The following KIAA0825 variants were observed in gnomAD, a reference collection of about 807,000 sequenced individuals.
The protein encoded by KIAA0825 is uncharacterized protein KIAA0825.
Under a neutral mutation model 147.6 loss-of-function variants are expected in KIAA0825, and 119 were observed. That is an observed-to-expected ratio of 0.81 (90% CI 0.69 to 0.94). KIAA0825 has a LOEUF of 0.94. KIAA0825 is among the 40% of genes least tolerant of loss of function. The pLI is 0.00. For synonymous variants in KIAA0825, 470 were observed against 518.1 expected, an observed-to-expected ratio of 0.91 and a Z score of 1.26; for missense variants, 1,381 against 1,472.7, an observed-to-expected ratio of 0.94 and a Z score of 1.02.
intron 2 of KIAA0825, among the ~76,000 whole-genome samples, chr5:94,543,780 A>G (rs1230503869): frequency 1.3e-5 from 2 of 152,210 alleles, no homozygotes; most frequent in African/African-American, 2.4e-5. Flanking sequence ...GAAGCCAGCC[A>G]AAATCCATCA....
rs1465953049 is a variant in KIAA0825 at position 94,202,377 on chromosome 5, C to A, written c.3711-48253G>T. 2.6e-5 allele frequency among the ~76,000 whole-genome samples: 4 copies of A among 152,132 alleles called. No individual in the cohort carries two copies. In the East Asian group the frequency reaches 7.7e-4, roughly 29 times the overall value. On this transcript the variant is annotated intron_variant, in intron 20 of 20. Transcript: ENST00000682413. The stretch of plus-strand genomic sequence containing the variant: ...CATGAAAACAGGCAGAGTGAGGATG[C>A]GTCTCTGTGTACTGTTTTACGTGTG...
chr5:94,311,593 CA>C (rs1041827967), intron 20 of KIAA0825, among the ~76,000 whole-genome samples: 3 of 151,556 alleles, frequency 2.0e-5, no homozygotes, highest in East Asian at 1.9e-4. Context: ...TCTCTAAGAT[CA>C]AAAGCTTTTC....
At chr5:94,238,683 C>T (rs1290388160) in intron 20 of KIAA0825, among the ~76,000 whole-genome samples, 3 of 152,082 alleles carry the variant, frequency 2.0e-5, no homozygotes, top group African/African-American at 4.8e-5. Context: ...CATTTCACCA[C>T]GAGCGAAGCC....
chr5:94,397,016 T>C (rs1750747546), intron 16 of KIAA0825, among the ~76,000 whole-genome samples: 1 of 151,968 alleles, frequency 6.6e-6, no homozygotes, highest in Admixed American at 6.6e-5. Flanking sequence ...CTCATCTCAG[T>C]CCATTTATAC....
At chr5:94,413,979 A>G (rs192818925) in intron 15 of KIAA0825, 24 of 152,322 alleles carry the variant, frequency 1.6e-4, no homozygotes, top group African/African-American at 5.5e-4. Flanking sequence ...TGTGTCTGAT[A>G]GGAAGGTAAG....
chr5:94,548,338 T>C (rs1774865163), intron 2 of KIAA0825, among the ~76,000 whole-genome samples: 3 of 152,192 alleles, frequency 2.0e-5, no homozygotes, highest in African/African-American at 7.2e-5. Flanking sequence ...TAGTTGTCAT[T>C]AGTCTAAACT....
At chr5:94,425,562 G>A (rs1754748703) in intron 14 of KIAA0825, among the ~76,000 whole-genome samples, 1 of 152,046 alleles carries the variant, frequency 6.6e-6, no homozygotes, top group South Asian at 2.1e-4. Flanking sequence ...AACACAGCAG[G>A]ACCTCACCAT....
intron 2 of KIAA0825, among the ~76,000 whole-genome samples, chr5:94,576,692 T>C (rs562699514): frequency 1.3e-5 from 2 of 152,346 alleles, no homozygotes; most frequent in South Asian, 2.1e-4. Flanking sequence ...AGTGGACTAA[T>C]ACACATGTAC....
chr5:94,589,750 A>C (rs2152387614), intron 1 of KIAA0825, among the ~76,000 whole-genome samples: 1 of 151,124 alleles, frequency 6.6e-6, no homozygotes, highest in East Asian at 1.9e-4. Context: ...TATTTGATAA[A>C]CTCTTATTTT....
chr5:94,164,158 A>G (rs1767820292), intron 20 of KIAA0825, among the ~76,000 whole-genome samples: 1 of 152,178 alleles, frequency 6.6e-6, no homozygotes, highest in Non-Finnish European at 1.5e-5. Context: ...TGCAATCCCT[A>G]TCAAAATACC....
chr5:94,345,359 T>C lies in KIAA0825; in HGVS notation c.3710+39009A>G, dbSNP rs150564937. 2.4e-3 allele frequency among the ~76,000 whole-genome samples: 358 copies of C among 152,266 alleles called. 2 individuals carry two copies. The highest frequency in any genetic ancestry group is 4.0e-3 in the Non-Finnish European group (272 of 68,024). On this transcript the variant is annotated intron_variant, in intron 20 of 20. Coordinates refer to ENST00000682413, the MANE Select transcript of KIAA0825 (RefSeq NM_001145678.3). ...CATATATGTTATGTTCCTAGGAACATACATGTTCCTAGAAAGAAAAATATC... is the reference window on the plus strand; with the variant it reads ...CATATATGTTATGTTCCTAGGAACACACATGTTCCTAGAAAGAAAAATATC...
chr5:94,441,568 A>T (rs1757086961), intron 13 of KIAA0825, among the ~76,000 whole-genome samples: 1 of 152,128 alleles, frequency 6.6e-6, no homozygotes, highest in African/African-American at 2.4e-5. Flanking sequence ...ATGAGAGTGG[A>T]GACCCCATGA....
chr5:94,424,075 C>G (rs954258051), intron 14 of KIAA0825, among the ~76,000 whole-genome samples: 1 of 152,028 alleles, frequency 6.6e-6, no homozygotes, highest in Non-Finnish European at 1.5e-5. Flanking sequence ...AGCAAACAGG[C>G]CTTACTAAGT....
chr5:94,592,977 T>C, intron 1 of KIAA0825: 2 of 586,140 alleles, frequency 3.4e-6, no homozygotes, highest in Admixed American at 2.5e-5. Context: ...AAGTGGGATG[T>C]ACATTTAATA....
intron 2 of KIAA0825, among the ~76,000 whole-genome samples, chr5:94,553,425 A>C (rs1415485975): frequency 1.3e-5 from 2 of 149,356 alleles, no homozygotes; most frequent in Non-Finnish European, 3.0e-5. Flanking sequence ...GGGTGACAAG[A>C]GCAAAACTCC....
Position 94,246,856 on chromosome 5 carries a change from A to G in KIAA0825, c.3711-92732T>C, listed in dbSNP as rs928453890. Reference sequence around the variant, plus strand: ...ACTGCAAAGTCCATGCTCCTTCCACACAGTGTCAGCCTGCCTCATTTGGTA... The same window carrying G: ...ACTGCAAAGTCCATGCTCCTTCCACGCAGTGTCAGCCTGCCTCATTTGGTA... On this transcript the variant is annotated intron_variant, in intron 20 of 20. Transcript: ENST00000682413. Among the ~76,000 whole-genome samples the G allele has an allele frequency of 2.6e-5, 4 of 152,142 alleles. No individual in the cohort carries two copies. The East Asian group carries it at 7.7e-4, about 29-fold the overall frequency.
intron 15 of KIAA0825, among the ~76,000 whole-genome samples, chr5:94,410,736 T>A (rs892297136): frequency 2.6e-5 from 4 of 152,168 alleles, no homozygotes; most frequent in African/African-American, 9.6e-5. Flanking sequence ...AAAAAAATTC[T>A]GAACCTAGAA....
chr5:94,369,243 T>C (rs1378759775), intron 20 of KIAA0825, among the ~76,000 whole-genome samples: 1 of 152,122 alleles, frequency 6.6e-6, no homozygotes, highest in African/African-American at 2.4e-5. Context: ...CAATTAAGGC[T>C]AGAGATACGG....
At chr5:94,426,047 TTATTATAGAGAGAAGGTCTTGCTA>T (rs1754832891) in intron 14 of KIAA0825, among the ~76,000 whole-genome samples, 2 of 150,066 alleles carry the variant, frequency 1.3e-5, no homozygotes, top group African/African-American at 4.9e-5. Flanking sequence ...ATTATTATTA[TTATTATAGAGAGAAGGTCTTGCTA>T]TGTTGCCCAG....
Sources: gnomAD v4.1 joint callset for allele counts (sites outside exome capture counted in the v4.1 genomes callset) on GRCh38, gnomAD v4.1.1 for gene constraint, MANE v1.5 for transcripts, NCBI Gene and HGNC (gene_info 2026-07-23, HGNC 2026-07-21) for gene names.